EML3: variants seen among roughly 807,000 people sequenced by gnomAD.
EML3 encodes the protein EMAP like 3.
EML3 carries 53 observed loss-of-function variants against 106.7 expected under a neutral mutation model. That is an observed-to-expected ratio of 0.50 (90% confidence interval 0.40 to 0.62). The LOEUF (loss-of-function observed/expected upper bound fraction) is 0.62. Among genes scored for constraint, EML3 ranks in the 20% least tolerant of loss-of-function variants. The pLI is 0.00. For synonymous variants in EML3, 499 were observed against 489.6 expected (o/e 1.02, Z -0.25); for missense variants, 994 against 1,209.1 (o/e 0.82, Z 2.64).
Position 62,611,413 on chromosome 11 carries a change from T to C in EML3, c.194+12A>G. 1 of 1,613,706 alleles carries C rather than the reference T, an allele frequency of 6.2e-7. No homozygotes were observed. Among genetic ancestry groups the C allele is most frequent in the Non-Finnish European group, 8.5e-7 (1 of 1,179,842 alleles). The stretch of plus-strand genomic sequence containing the variant: ...AAGGAGGAGGAAAAATGGGGTGTGA[T>C]GACATGCATACCTGTCCCCCGGAGG... On this transcript the variant is annotated intron_variant, in intron 2 of 21. Transcript: ENST00000394773.
intron 16 of EML3, 119 bp downstream of exon 16, chr11:62,604,994 A>ACTC (rs1942441188): frequency 1.1e-6 from 1 of 912,204 alleles, no homozygotes; most frequent in Admixed American, 3.1e-5. Context: ...GGCACAGAGG[A>ACTC]GTGCCAAGGC....
chr11:62,609,564 C>T, intron 5 of EML3, 65 bp downstream of exon 5: 2 of 1,564,332 alleles, frequency 1.3e-6, no homozygotes, highest in Non-Finnish European at 1.7e-6. Context: ...AAAATAGCTC[C>T]TGGGGCTACA....
At chr11:62,603,322 G>A (rs2134346717) in intron 19 of EML3, 75 bp from the exon 20 acceptor site, 1 of 1,391,032 alleles carries the variant, frequency 7.2e-7, no homozygotes, top group Non-Finnish European at 1.0e-6. Flanking sequence ...AAGCCAGACT[G>A]GAAAGACTGG....
Position 62,604,169 on chromosome 11 carries a change from A to T in EML3, c.2015T>A (p.Ile672Asn). 1 of 1,613,810 alleles carries T rather than the reference A, an allele frequency of 6.2e-7. No individual in the cohort carries two copies. Among genetic ancestry groups the T allele is most frequent in the Non-Finnish European group, 8.5e-7 (1 of 1,179,956 alleles). The change falls in exon 17 of 22, where the codon ATC (isoleucine) becomes AAC (asparagine). Residue 672 changes from isoleucine to asparagine, a missense_variant. Ile to Asn is a moderately radical substitution (Grantham distance 149). Coordinates refer to ENST00000394773, the MANE Select transcript of EML3 (RefSeq NM_153265.3). ...ATTGCCATCAATGACATCAGACACGATCTCTCTGGTCTCTGTGTCCAAAAC... is the reference window on the plus strand; with the variant it reads ...ATTGCCATCAATGACATCAGACACGTTCTCTCTGGTCTCTGTGTCCAAAAC... Reference protein sequence around the residue: ...WLVLDTETREIVSDVIDGNEQ... With the variant: ...WLVLDTETRENVSDVIDGNEQ...
intron 20 of EML3, 40 bp from the exon 21 acceptor site, chr11:62,602,929 CG>C: frequency 1.3e-6 from 2 of 1,495,876 alleles, no homozygotes; most frequent in Non-Finnish European, 1.8e-6. Flanking sequence ...TCCTACCCAC[CG>C]CCACCCACGG....
chr11:62,602,963 C>A lies in EML3; in HGVS notation c.2357-74G>T, dbSNP rs1389371262. 1.6e-5 allele frequency: 23 copies of A among 1,472,370 alleles called. 1 individual carries two copies. The highest frequency in any genetic ancestry group is 2.1e-5 in the Non-Finnish European group (23 of 1,113,822). The allele number at this position is 1,472,370 out of a possible 1,614,324, so 91.2% of individuals were successfully genotyped here. A position where few individuals can be genotyped will look rare whatever the true frequency, so the allele number is the denominator to read the frequency against. On this transcript the variant is annotated intron_variant, in intron 20 of 21. Coordinates refer to ENST00000394773, the MANE Select transcript of EML3 (RefSeq NM_153265.3). The stretch of plus-strand genomic sequence containing the variant: ...CGGCCCAGAGCTACACCATTTCAGG[C>A]GCTCCGGCAGCCGCGGCCACCCACT...
At position 62,606,136 on chromosome 11, in the gene EML3, A is replaced by G. The variant is rs770437837; in HGVS notation, c.1583T>C (p.Val528Ala). The stretch of plus-strand genomic sequence containing the variant: ...GCGGTCCCGCCCGCCACCACTCAGC[A>G]CTGTCCCGTCCCTCCGGAGACACAA... Reference protein sequence around the residue: ...FALCLRRDGTVLSGGGRDRRL... With the variant: ...FALCLRRDGTALSGGGRDRRL... Residue 528 changes from valine (V) to alanine (A), a missense_variant, in exon 13 of 22, where the codon GTG (valine) becomes GCG (alanine). By Grantham distance (64) the Val-to-Ala change is moderately conservative. Coordinates refer to ENST00000394773, the MANE Select transcript of EML3 (RefSeq NM_153265.3). 1.2e-6 allele frequency: 2 copies of G among 1,614,062 alleles called. No homozygotes were observed. The highest frequency in any genetic ancestry group is 1.7e-6 in the Non-Finnish European group (2 of 1,180,018).
rs889129045 is a variant in EML3 at position 62,608,572 on chromosome 11, C to G, written c.1080G>C (p.Arg360=). ...CTGAAAAGGCCAGGGCCCCAACACC[C>G]CGCTCGAAGGCCCCCAGTCCAATCT... ...LQEIGLGAFE[R]GVGALAFSAA... is the part of the protein sequence containing the mutation. Residue 360 remains arginine, a synonymous_variant, in exon 9 of 22, where the codon CGG becomes CGC. Transcript: ENST00000394773. 4 of 1,613,998 alleles carry G rather than the reference C, an allele frequency of 2.5e-6. No individual in the cohort carries two copies. Among genetic ancestry groups the G allele is most frequent in the Non-Finnish European group, 3.4e-6 (4 of 1,180,042 alleles).
chr11:62,605,628 G>C lies in EML3; in HGVS notation c.1914+14C>G. On this transcript the variant is annotated intron_variant, in intron 15 of 21. Coordinates refer to ENST00000394773, the MANE Select transcript of EML3 (RefSeq NM_153265.3). This position sits in a 1 kb window ranked among gnomAD's most constrained non-coding sequence, Gnocchi z 5.2. ...TGGGTGTGGCATGGGGGATCCAGGG[G>C]CACAGGGCTCTACCTTGAGGTCGAT... is the stretch of plus-strand genomic sequence containing the variant. 6.6e-7 allele frequency: 1 copy of C among 1,520,586 alleles called. No homozygotes were observed. The highest frequency in any genetic ancestry group is 2.3e-5 in the East Asian group (1 of 43,982). 94.2% of individuals were successfully genotyped at this position (1,520,586 alleles called of 1,614,324 possible). A position where few individuals can be genotyped will look rare whatever the true frequency, so the allele number is the denominator to read the frequency against.
Position 62,608,148 on chromosome 11 carries a change from C to T in EML3, c.1206+53G>A, listed in dbSNP as rs369976026. Reference sequence around the variant, plus strand: ...GGTGAGTCTGGAGCTCCCTGCACTCCACCACTCCCACCCCCAACCTCAGAG... The same window carrying T: ...GGTGAGTCTGGAGCTCCCTGCACTCTACCACTCCCACCCCCAACCTCAGAG... On this transcript the variant is annotated intron_variant, in intron 10 of 21. Transcript: ENST00000394773. 75 of 1,558,848 alleles carry T rather than the reference C, an allele frequency of 4.8e-5. No individual in the cohort carries two copies. The African/African-American group carries it at 8.8e-4, about 18-fold the overall frequency.
At chr11:62,606,308 A>G in intron 12 of EML3, 94 bp from the exon 13 acceptor site, 1 of 1,428,564 alleles carries the variant, frequency 7.0e-7, no homozygotes, top group Non-Finnish European at 9.5e-7. Flanking sequence ...AAGAACTCCC[A>G]GCCATTGCAT....
In EML3 at chr11:62,605,360, C is replaced by G. The variant is rs974710214; in HGVS notation, c.1915-180G>C. Reference sequence around the variant, plus strand: ...GGAGTGATACCAAAATATTTAACCACAGAACTGATGCCAATAGCTGTGCTG... The same window carrying G: ...GGAGTGATACCAAAATATTTAACCAGAGAACTGATGCCAATAGCTGTGCTG... On this transcript the variant is annotated intron_variant, in intron 15 of 21. Coordinates refer to ENST00000394773, the MANE Select transcript of EML3 (RefSeq NM_153265.3). This position sits in a 1 kb window ranked among gnomAD's most constrained non-coding sequence, Gnocchi z 5.2. 7 of 678,104 alleles carry G rather than the reference C, an allele frequency of 1.0e-5. No individual in the cohort carries two copies. Among genetic ancestry groups the G allele is most frequent in the African/African-American group, 1.8e-5 (1 of 55,002 alleles). 42.0% of individuals were successfully genotyped at this position (678,104 alleles called of 1,614,324 possible). A position where few individuals can be genotyped will look rare whatever the true frequency, so the allele number is the denominator to read the frequency against.
intron 16 of EML3, chr11:62,604,800 G>A (rs1942430663): frequency 4.0e-6 from 1 of 247,160 alleles, no homozygotes. Context: ...CAAAGGCACT[G>A]TGCAAGCTGG....
At position 62,608,947 on chromosome 11, in the gene EML3, C is replaced by G. The variant is rs1454575671; in HGVS notation, c.929+15G>C. ...ACCCTCTTCCTGCCAAGCCCACCAGCCCCGGACTCCTCACCATCGAACGCA... is the reference window on the plus strand; with the variant it reads ...ACCCTCTTCCTGCCAAGCCCACCAGGCCCGGACTCCTCACCATCGAACGCA... On this transcript the variant is annotated intron_variant, in intron 7 of 21. Transcript: ENST00000394773. 4 of 1,612,636 alleles carry G rather than the reference C, an allele frequency of 2.5e-6. No homozygotes were observed. Among genetic ancestry groups the G allele is most frequent in the Non-Finnish European group, 2.5e-6 (3 of 1,179,244 alleles).
intron 18 of EML3, 61 bp from the exon 19 acceptor site, chr11:62,603,877 T>A: frequency 1.2e-6 from 2 of 1,611,104 alleles, no homozygotes; most frequent in Non-Finnish European, 1.7e-6. Context: ...CAGAGCCCCC[T>A]TGATGCATCA....
At position 62,602,861 on chromosome 11, in the gene EML3, G is replaced by C. The variant is rs1942309650; in HGVS notation, c.2385C>G (p.Thr795=). 2 of 1,594,950 alleles carry C rather than the reference G, an allele frequency of 1.3e-6. No homozygotes were observed. The highest frequency in any genetic ancestry group is 2.7e-5 in the African/African-American group (2 of 74,620). The change falls in exon 21 of 22, where the codon ACC becomes ACG. Residue 795 remains threonine (T), a synonymous_variant. Transcript: ENST00000394773. ...GGGAGCGGCACAGGGAGTTGATGTC[G>C]GTCCCATCGGAGCCGTCCGGCCAGA... is the stretch of plus-strand genomic sequence containing the variant. ...YGVWPDGSDG[T]DINSLCRSHN...
In EML3 at chr11:62,606,079, G is replaced by T. The variant is rs757388631; in HGVS notation, c.1640C>A (p.Ala547Asp). ...AGCCCTCACCTCAGCCTCCTGGAGG[G>T]CCACCAACCCGGGCCCCCACTGTAC... ...RLVQWGPGLV[A>D]LQEAEIPEHF... Residue 547 changes from alanine (A) to aspartate (D), a missense_variant, in exon 13 of 22, where the codon GCC becomes GAC. Physicochemically the swap from Ala to Asp is moderately radical, Grantham distance 126. This residue lies in a region of EML3 where 713 missense variants were observed against 920.5 expected (regional missense o/e 0.77). Coordinates refer to ENST00000394773, the MANE Select transcript of EML3 (RefSeq NM_153265.3). 2.5e-6 allele frequency: 4 copies of T among 1,613,898 alleles called. No homozygotes were observed. Among genetic ancestry groups the T allele is most frequent in the Non-Finnish European group, 3.4e-6 (4 of 1,180,000 alleles).
rs1487264064 is a variant in EML3 at position 62,602,271 on chromosome 11, A to T, written c.*204T>A. Reference sequence around the variant, plus strand: ...CAGCAGGCAGCGGGAGTCAAGGCCTAGGCTGGGGCTGCCCGGCTCAGCCAG... The same window carrying T: ...CAGCAGGCAGCGGGAGTCAAGGCCTTGGCTGGGGCTGCCCGGCTCAGCCAG... On this transcript the variant is annotated 3_prime_UTR_variant, in exon 22 of 22. Coordinates refer to ENST00000394773, the MANE Select transcript of EML3 (RefSeq NM_153265.3). 1 of 1,550,028 alleles carries T rather than the reference A, an allele frequency of 6.5e-7. No homozygotes were observed. The highest frequency in any genetic ancestry group is 8.7e-7 in the Non-Finnish European group (1 of 1,146,550).
chr11:62,606,112 C>T lies in EML3; in HGVS notation c.1607G>A (p.Arg536His), dbSNP rs1165597557. The stretch of plus-strand genomic sequence containing the variant: ...CCCGGGCCCCCACTGTACCAGCCGG[C>T]GGTCCCGCCCGCCACCACTCAGCAC... ...GTVLSGGGRD[R>H]RLVQWGPGLV... is the part of the protein sequence containing the mutation. Residue 536 changes from arginine (R) to histidine (H), a missense_variant, in exon 13 of 22, where the codon CGC becomes CAC. Around this residue, in one of 3 missense-constraint regions of EML3, gnomAD observed 713 missense variants for 920.5 expected, o/e 0.77. Coordinates refer to ENST00000394773, the MANE Select transcript of EML3 (RefSeq NM_153265.3). 10 of 1,613,902 alleles carry T rather than the reference C, an allele frequency of 6.2e-6. No individual in the cohort carries two copies. The highest frequency in any genetic ancestry group is 1.3e-5 in the African/African-American group (1 of 74,956).
Sources: gnomAD v4.1 joint callset for allele counts on GRCh38, gnomAD v4.1.1 for gene constraint, gnomAD v4.1.1 regional missense constraint, Gnocchi (gnomAD v3.1) non-coding constraint, MANE v1.5 for transcripts, NCBI Gene and HGNC (gene_info 2026-07-23, HGNC 2026-07-21) for gene names.